Variants in MKLN1 observed in about 807,000 individuals in gnomAD.
MKLN1 encodes muskelin 1, also known as muskelin.
Under a neutral mutation model 99.0 loss-of-function variants are expected in MKLN1, and 18 were observed. The observed-to-expected ratio is 0.18, with a 90% CI of 0.13 to 0.27. MKLN1 has a LOEUF of 0.27. Ranked by LOEUF, MKLN1 falls within the 10% of genes least tolerant of loss-of-function variation. The pLI is 1.00. For missense variants in MKLN1, 621 were observed against 875.9 expected, an observed-to-expected ratio of 0.71 and a Z score of 3.67; for synonymous variants, 288 against 293.2, an observed-to-expected ratio of 0.98 and a Z score of 0.18.
At chr7:131,214,564 G>T (rs1161340238) in intron 3 of MKLN1, among the ~76,000 whole-genome samples, 1 of 152,204 alleles carries the variant, frequency 6.6e-6, no homozygotes, top group Non-Finnish European at 1.5e-5. Context: ...CCATGATGCT[G>T]CTGTGCTGTT....
intron 6 of MKLN1, among the ~76,000 whole-genome samples, chr7:131,405,222 A>AAT (rs1554569461): frequency 1.3e-5 from 2 of 151,846 alleles, no homozygotes; most frequent in East Asian, 1.9e-4. Flanking sequence ...ACTTATCTTG[A>AAT]ATATATATAT....
Position 131,466,381 on chromosome 7 carries a change from C to A in MKLN1, c.1894C>A (p.Leu632Met). 6.3e-7 allele frequency: 1 copy of A among 1,598,342 alleles called. No homozygotes were observed. The highest frequency in any genetic ancestry group is 8.5e-7 in the Non-Finnish European group (1 of 1,169,614). The stretch of plus-strand genomic sequence containing the variant: ...GTGTAGACCTTCAAAAGATTATTTA[C>A]TGAGGCATTGCAAGTACCTCATAAG... ...KLCRPSKDYL[L>M]RHCKYLIRKH... is the part of the protein sequence containing the mutation. The change falls in exon 15 of 18, where the codon CTG becomes ATG. Residue 632 changes from leucine (L) to methionine (M), a missense_variant. Leu to Met is a conservative substitution (Grantham distance 15, BLOSUM62 2). Transcript: ENST00000352689.
intron 2 of MKLN1, among the ~76,000 whole-genome samples, chr7:131,376,920 A>G (rs10271113): frequency 0.016 from 2,451 of 152,200 alleles, 46 homozygotes; most frequent in African/African-American, 0.053. Flanking sequence ...TAAAATATAA[A>G]TTGATTCAGT....
chr7:131,249,132 C>T (rs1291639559), intron 3 of MKLN1, among the ~76,000 whole-genome samples: 1 of 152,190 alleles, frequency 6.6e-6, no homozygotes, highest in Non-Finnish European at 1.5e-5. Flanking sequence ...GGAATCTTCC[C>T]TGGGCAATGA....
At chr7:131,287,120 A>ACAAAC (rs397765820) in intron 3 of MKLN1, among the ~76,000 whole-genome samples, 1 of 151,922 alleles carries the variant, frequency 6.6e-6, no homozygotes, top group African/African-American at 2.4e-5. Flanking sequence ...ACAAAACAAA[A>ACAAAC]AGTACCAAAG....
chr7:131,405,464 T>C (rs1242991085), intron 6 of MKLN1, among the ~76,000 whole-genome samples: 1 of 152,152 alleles, frequency 6.6e-6, no homozygotes, highest in Admixed American at 6.5e-5. Flanking sequence ...TGACTTATGC[T>C]CTGTTTACTG....
At position 131,493,162 on chromosome 7, in the gene MKLN1, A is replaced by G. The variant is rs934245052; in HGVS notation, c.*5434A>G. On this transcript the variant is annotated 3_prime_UTR_variant, in exon 18 of 18. Coordinates refer to ENST00000352689, the MANE Select transcript of MKLN1 (RefSeq NM_013255.5). ...AAAAAGGGGAAATGTTTGGTAGGGA[A>G]TTGGACCAGTTCTAAGGTATCACTT... The G allele has an allele frequency of 3.9e-5, 6 of 152,214 alleles. No homozygotes were observed. The highest frequency in any genetic ancestry group is 1.4e-4 in the African/African-American group (6 of 41,468). The allele number at this position is 152,214 out of a possible 1,614,324, so 9.4% of individuals were successfully genotyped here.
chr7:131,222,584 T>G (rs1797075630), intron 3 of MKLN1, among the ~76,000 whole-genome samples: 1 of 152,162 alleles, frequency 6.6e-6, no homozygotes, highest in Non-Finnish European at 1.5e-5. Flanking sequence ...CCTCTGAAAC[T>G]TCTGTGTGCC....
At chr7:131,357,677 C>T (rs1363530555) in intron 1 of MKLN1, among the ~76,000 whole-genome samples, 1 of 152,128 alleles carries the variant, frequency 6.6e-6, no homozygotes, top group Non-Finnish European at 1.5e-5. Context: ...GAAGCTCTTT[C>T]AGTTGACTCA....
intron 1 of MKLN1, among the ~76,000 whole-genome samples, chr7:131,134,596 A>G (rs1268906061): frequency 6.6e-6 from 1 of 152,080 alleles, no homozygotes; most frequent in African/African-American, 2.4e-5. Flanking sequence ...TAGCTTCGTC[A>G]GTGTCATTGC....
intron 3 of MKLN1, among the ~76,000 whole-genome samples, chr7:131,308,865 G>C (rs537890362): frequency 1.3e-5 from 2 of 152,182 alleles, no homozygotes; most frequent in Admixed American, 6.5e-5. Context: ...GATTACAGGC[G>C]TGAGCCACCA....
At chr7:131,325,670 C>T (rs3757394), upstream of MKLN1, among the ~76,000 whole-genome samples, 86,354 of 151,220 alleles carry the variant, frequency 0.57, 25,020 homozygotes, top group East Asian at 0.68. Context: ...GCACTCCATC[C>T]TGGGTGACAG....
intron 3 of MKLN1, among the ~76,000 whole-genome samples, chr7:131,247,355 A>C (rs939608817): frequency 2.6e-5 from 4 of 151,058 alleles, no homozygotes; most frequent in Admixed American, 6.6e-5. Flanking sequence ...CTGGGATTAC[A>C]GGCACACGCA....
chr7:131,440,792 A>G (rs1795814754), intron 10 of MKLN1, among the ~76,000 whole-genome samples: 1 of 152,196 alleles, frequency 6.6e-6, no homozygotes, highest in Non-Finnish European at 1.5e-5. Flanking sequence ...AATTGAATTC[A>G]GGAACATTTT....
At chr7:131,243,034 GA>G (rs984546340) in intron 3 of MKLN1, 959 of 461,312 alleles carry the variant, frequency 2.1e-3, no homozygotes, top group Middle Eastern at 3.0e-3. Flanking sequence ...AAATTAAACA[GA>G]AAAAAAAAAG....
intron 3 of MKLN1, among the ~76,000 whole-genome samples, chr7:131,252,734 C>G (rs551601366): frequency 3.3e-5 from 5 of 152,250 alleles, no homozygotes; most frequent in African/African-American, 1.2e-4. Context: ...AGCTAAGAAT[C>G]AAGTTTTGTC....
chr7:131,120,415 G>A (rs1310390770), intron 1 of MKLN1, among the ~76,000 whole-genome samples: 2 of 149,578 alleles, frequency 1.3e-5, no homozygotes, highest in Non-Finnish European at 3.0e-5. Flanking sequence ...CAGGTGTGGC[G>A]GTGGGCGCCT....
At chr7:131,218,923 C>G (rs1797023395) in intron 3 of MKLN1, among the ~76,000 whole-genome samples, 1 of 152,192 alleles carries the variant, frequency 6.6e-6, no homozygotes, top group Non-Finnish European at 1.5e-5. Flanking sequence ...GACCCTTTCA[C>G]AAGATAGTGC....
intron 3 of MKLN1, among the ~76,000 whole-genome samples, chr7:131,247,969 G>T (rs1331119880): frequency 6.6e-6 from 1 of 152,160 alleles, no homozygotes; most frequent in African/African-American, 2.4e-5. Context: ...CACCATCATG[G>T]CTCACTGCAG....
Sources: gnomAD v4.1 joint callset for allele counts (sites outside exome capture counted in the v4.1 genomes callset) on GRCh38, gnomAD v4.1.1 for gene constraint, MANE v1.5 for transcripts, NCBI Gene and HGNC (gene_info 2026-07-23, HGNC 2026-07-21) for gene names.